SUGCT: variants seen among roughly 807,000 people sequenced by gnomAD.
SUGCT encodes succinyl-CoA:glutarate-CoA transferase.
SUGCT carries 41 observed loss-of-function variants against 55.0 expected under a neutral mutation model. That is an observed-to-expected ratio of 0.74 (90% CI 0.58 to 0.97). The LOEUF (loss-of-function observed/expected upper bound fraction) is 0.97. Ranked by LOEUF, SUGCT falls within the 50% of genes least tolerant of loss-of-function variation. The pLI, the probability that SUGCT is intolerant of heterozygous loss-of-function variation, is 0.00. For missense variants in SUGCT, 568 were observed against 547.8 expected (o/e 1.04, Z -0.37); for synonymous variants, 187 against 200.4 (o/e 0.93, Z 0.56).
chr7:40,652,842 C>G (rs1478714648), intron 12 of SUGCT, among the ~76,000 whole-genome samples: 1 of 152,152 alleles, frequency 6.6e-6, no homozygotes, highest in African/African-American at 2.4e-5. Flanking sequence ...TCTTAAAGCA[C>G]CTTAATGACC....
intron 9 of SUGCT, among the ~76,000 whole-genome samples, chr7:40,413,898 GATA>G (rs1438299951): frequency 6.6e-6 from 1 of 152,048 alleles, no homozygotes; most frequent in Non-Finnish European, 1.5e-5. Context: ...GGGAAGAAAA[GATA>G]ATAATACTAG....
intron 12 of SUGCT, among the ~76,000 whole-genome samples, chr7:40,581,535 A>G (rs1194209103): frequency 6.6e-6 from 1 of 152,214 alleles, no homozygotes; most frequent in Non-Finnish European, 1.5e-5. Flanking sequence ...CCTAAAATAC[A>G]TTAATCATGA....
chr7:40,674,052 T>C (rs1421958889), intron 12 of SUGCT, among the ~76,000 whole-genome samples: 8 of 152,174 alleles, frequency 5.3e-5, no homozygotes, highest in Non-Finnish European at 7.3e-5. Context: ...TGAGGATTGA[T>C]CCGATTAAAG....
intron 13 of SUGCT, among the ~76,000 whole-genome samples, chr7:40,846,668 A>C (rs1442322941): frequency 2.0e-5 from 3 of 152,230 alleles, no homozygotes; most frequent in Non-Finnish European, 2.9e-5. Context: ...AAGTATTTAT[A>C]ATACAGTACT....
chr7:40,546,830 A>G (rs1163735393), intron 12 of SUGCT: 3 of 152,040 alleles, frequency 2.0e-5, no homozygotes, highest in African/African-American at 7.2e-5. Flanking sequence ...CTTTTTGCTC[A>G]CTTTCTGCAG....
chr7:40,367,073 T>C (rs924591005), intron 9 of SUGCT, among the ~76,000 whole-genome samples: 4 of 152,074 alleles, frequency 2.6e-5, no homozygotes, highest in African/African-American at 9.7e-5. Flanking sequence ...CACCATGGAA[T>C]ACTATGCAGC....
intron 11 of SUGCT, among the ~76,000 whole-genome samples, chr7:40,489,259 T>TTG (rs1367753933): frequency 6.6e-6 from 1 of 151,636 alleles, no homozygotes; most frequent in African/African-American, 2.4e-5. Context: ...TTTTTTTTTT[T>TTG]GGGGTGGGGT....
At chr7:40,905,982 C>T in the SUGCT span, among the ~76,000 whole-genome samples, 1 of 152,090 alleles carries the variant, frequency 6.6e-6, no homozygotes, top group Non-Finnish European at 1.5e-5. Flanking sequence ...CCTTGGCCTC[C>T]CAAAGTGCTG....
chr7:41,007,081 C>T, the SUGCT span, among the ~76,000 whole-genome samples: 2 of 137,134 alleles, frequency 1.5e-5, 1 homozygote, highest in Admixed American at 1.6e-4. Context: ...ATGGAAAAAT[C>T]TTAAGCTTAG....
intron 12 of SUGCT, among the ~76,000 whole-genome samples, chr7:40,572,642 C>T (rs763497841): frequency 5.3e-5 from 8 of 152,128 alleles, no homozygotes; most frequent in Non-Finnish European, 1.0e-4. Context: ...AAATCCTTCA[C>T]GCCTCTGGAA....
At chr7:40,913,624 C>A in the SUGCT span, among the ~76,000 whole-genome samples, 1 of 152,166 alleles carries the variant, frequency 6.6e-6, no homozygotes, top group Admixed American at 6.5e-5. Context: ...ACAACACAAG[C>A]ATTTGTTCTC....
chr7:40,350,752 A>G (rs549879122), intron 9 of SUGCT, among the ~76,000 whole-genome samples: 7 of 152,198 alleles, frequency 4.6e-5, no homozygotes, highest in African/African-American at 1.7e-4. Context: ...TCAACCCGTC[A>G]TCTACATTAG....
chr7:40,885,849 G>A, the SUGCT span, among the ~76,000 whole-genome samples: 1 of 152,192 alleles, frequency 6.6e-6, no homozygotes, highest in Non-Finnish European at 1.5e-5. Flanking sequence ...CCTAGGCCAA[G>A]GGTGGGGATG....
chr7:40,839,176 G>T (rs1253221778), intron 13 of SUGCT, among the ~76,000 whole-genome samples: 2 of 152,010 alleles, frequency 1.3e-5, no homozygotes, highest in East Asian at 3.9e-4. Flanking sequence ...GAGATTTTTA[G>T]ACATAAGATT....
chr7:40,859,210 GTGATAACA>G (rs1225855406), intron 13 of SUGCT, among the ~76,000 whole-genome samples: 1 of 152,214 alleles, frequency 6.6e-6, no homozygotes, highest in Non-Finnish European at 1.5e-5. Flanking sequence ...CTTACTGAAT[GTGATAACA>G]AAGGTAAAAT....
chr7:40,831,196 T>G (rs537567826), intron 13 of SUGCT, among the ~76,000 whole-genome samples: 2 of 152,206 alleles, frequency 1.3e-5, no homozygotes, highest in African/African-American at 4.8e-5. Flanking sequence ...GTAAAAAGCC[T>G]GTGTCCTATC....
At chr7:40,892,984 G>T in the SUGCT span, among the ~76,000 whole-genome samples, 1 of 152,064 alleles carries the variant, frequency 6.6e-6, no homozygotes, top group African/African-American at 2.4e-5. Context: ...AAGATATTTT[G>T]TGCAAATAGT....
At chr7:40,411,150 T>C (rs2151342849) in intron 9 of SUGCT, among the ~76,000 whole-genome samples, 2 of 152,280 alleles carry the variant, frequency 1.3e-5, no homozygotes, top group East Asian at 3.9e-4. Context: ...CCCAGCACTT[T>C]AGGAGGCTGA....
intron 13 of SUGCT, among the ~76,000 whole-genome samples, chr7:40,827,460 C>A (rs1472930712): frequency 2.6e-5 from 4 of 152,118 alleles, no homozygotes; most frequent in African/African-American, 4.8e-5. Flanking sequence ...AGAGCTGCTG[C>A]GTTTTAGAGG....
Sources: allele counts gnomAD v4.1 joint callset (sites outside exome capture counted in the v4.1 genomes callset), GRCh38; gene constraint gnomAD v4.1.1; transcripts MANE v1.5; gene names NCBI Gene and HGNC (gene_info 2026-07-23, HGNC 2026-07-21).